The following CWC27 variants were observed in gnomAD, a reference collection of about 807,000 sequenced individuals.
The protein encoded by CWC27 is spliceosome-associated protein CWC27 homolog.
CWC27 carries 47 observed loss-of-function variants against 63.6 expected under a neutral mutation model. The observed-to-expected ratio is 0.74, with a 90% CI of 0.58 to 0.94. The LOEUF (loss-of-function observed/expected upper bound fraction) is 0.94, where lower values mean the gene tolerates loss of function less well. CWC27 is among the 40% of genes least tolerant of loss of function. The pLI is 0.00. For synonymous variants in CWC27, 175 were observed against 179.8 expected (o/e 0.97, Z 0.22); for missense variants, 495 against 554.3 (o/e 0.89, Z 1.07).
At chr5:64,981,689 GAATT>G (rs1580762944) in intron 13 of CWC27, among the ~76,000 whole-genome samples, 2 of 152,134 alleles carry the variant, frequency 1.3e-5, no homozygotes, top group South Asian at 2.1e-4. Context: ...AGAATCTCAA[GAATT>G]AATTAAGAAT....
intron 10 of CWC27, among the ~76,000 whole-genome samples, chr5:64,825,366 G>T (rs1164822942): frequency 6.6e-6 from 1 of 152,162 alleles, no homozygotes; most frequent in Non-Finnish European, 1.5e-5. Flanking sequence ...CTCAACTTCT[G>T]TGAAAGTTAT....
intron 11 of CWC27, among the ~76,000 whole-genome samples, chr5:64,947,435 AG>A (rs1160643751): frequency 2.0e-5 from 3 of 151,554 alleles, no homozygotes; most frequent in Non-Finnish European, 4.4e-5. Context: ...GTCTGATAAT[AG>A]TTGAGTCCTT....
At position 64,769,904 on chromosome 5, in the gene CWC27, C is replaced by A. The variant is rs144323590; in HGVS notation, c.42+716C>A. 2.1e-3 allele frequency among the ~76,000 whole-genome samples: 313 copies of A among 152,274 alleles called. 2 individuals carry two copies. The highest frequency in any genetic ancestry group is 7.2e-3 in the African/African-American group (300 of 41,554). On this transcript the variant is annotated intron_variant, in intron 1 of 13. Transcript: ENST00000381070. The stretch of plus-strand genomic sequence containing the variant: ...ATTTGATGGCTAATGTATGCCAATT[C>A]CCATCCAAGATGTTTGTATGCTGTA...
intron 10 of CWC27, among the ~76,000 whole-genome samples, chr5:64,862,140 T>A (rs1275882587): frequency 1.6e-4 from 24 of 152,152 alleles, no homozygotes; most frequent in African/African-American, 5.8e-4. Context: ...CAAAATGATA[T>A]CAGCAAACCC....
intron 10 of CWC27, among the ~76,000 whole-genome samples, chr5:64,806,648 T>C (rs1014889369): frequency 3.3e-5 from 5 of 152,102 alleles, no homozygotes; most frequent in South Asian, 2.1e-4. Context: ...TCCATGATTG[T>C]CTCATGACCA....
intron 13 of CWC27, among the ~76,000 whole-genome samples, chr5:64,994,374 T>C (rs902258698): frequency 2.0e-5 from 3 of 152,240 alleles, no homozygotes; most frequent in Non-Finnish European, 4.4e-5. Context: ...TGGATCTTTG[T>C]GAAGAAATTC....
intron 11 of CWC27, among the ~76,000 whole-genome samples, chr5:64,915,499 A>T (rs529322282): frequency 1.3e-5 from 2 of 152,154 alleles, no homozygotes; most frequent in South Asian, 2.1e-4. Flanking sequence ...TAACTTGTGT[A>T]CTTTCCAGTA....
intron 13 of CWC27, among the ~76,000 whole-genome samples, chr5:65,011,297 T>G (rs1403276089): frequency 6.6e-6 from 1 of 152,170 alleles, no homozygotes; most frequent in Non-Finnish European, 1.5e-5. Flanking sequence ...GCAGTTACAC[T>G]GTAGTATGAG....
chr5:64,989,590 C>T (rs747337798), intron 13 of CWC27, among the ~76,000 whole-genome samples: 1 of 152,170 alleles, frequency 6.6e-6, no homozygotes, highest in Non-Finnish European at 1.5e-5. Context: ...GATCACCAAA[C>T]TGCTATCTTG....
intron 11 of CWC27, among the ~76,000 whole-genome samples, chr5:64,891,987 G>GTTTTGCC (rs1004585363): frequency 6.6e-6 from 1 of 152,120 alleles, no homozygotes; most frequent in Non-Finnish European, 1.5e-5. Flanking sequence ...TAGAGACGGG[G>GTTTTGCC]TTTTGCCCTG....
At chr5:64,973,937 A>G (rs1383337371) in intron 12 of CWC27, among the ~76,000 whole-genome samples, 1 of 152,062 alleles carries the variant, frequency 6.6e-6, no homozygotes, top group Non-Finnish European at 1.5e-5. Flanking sequence ...AACATCCATC[A>G]TTAAAAATTA....
At chr5:64,809,411 A>G (rs1159276951) in intron 10 of CWC27, among the ~76,000 whole-genome samples, 1 of 152,270 alleles carries the variant, frequency 6.6e-6, no homozygotes, top group Non-Finnish European at 1.5e-5. Flanking sequence ...TCTGTTGCCC[A>G]GGCTGGAGTG....
chr5:64,883,514 G>A (rs1746995345), intron 10 of CWC27, among the ~76,000 whole-genome samples: 1 of 152,116 alleles, frequency 6.6e-6, no homozygotes, highest in African/African-American at 2.4e-5. Context: ...AGAGTAACCA[G>A]GAGAAGAATT....
At chr5:64,805,345 A>G (rs1459537230) in intron 10 of CWC27, among the ~76,000 whole-genome samples, 1 of 151,432 alleles carries the variant, frequency 6.6e-6, no homozygotes, top group Non-Finnish European at 1.5e-5. Context: ...TCACTGTTGA[A>G]TAATTTTACA....
At chr5:64,841,570 T>A (rs1580664300) in intron 10 of CWC27, among the ~76,000 whole-genome samples, 2 of 152,342 alleles carry the variant, frequency 1.3e-5, no homozygotes, top group Admixed American at 6.5e-5. Flanking sequence ...CTACATCTAG[T>A]CAGTCACCAA....
intron 10 of CWC27, among the ~76,000 whole-genome samples, chr5:64,848,954 T>C (rs924962243): frequency 6.6e-6 from 1 of 152,174 alleles, no homozygotes; most frequent in African/African-American, 2.4e-5. Context: ...TTCTCACCAC[T>C]TCTATTCAGA....
intron 13 of CWC27, among the ~76,000 whole-genome samples, chr5:64,999,924 T>A (rs182621257): frequency 5.3e-5 from 8 of 152,182 alleles, no homozygotes; most frequent in Admixed American, 1.3e-4. Context: ...CTGTTTTCCA[T>A]GGTGGCTATA....
At chr5:64,795,769 G>C (rs1744243749) in intron 7 of CWC27, among the ~76,000 whole-genome samples, 1 of 151,980 alleles carries the variant, frequency 6.6e-6, no homozygotes, top group South Asian at 2.1e-4. Context: ...TGCCATGTAA[G>C]GTGATATGTT....
intron 11 of CWC27, among the ~76,000 whole-genome samples, chr5:64,949,957 AT>A (rs1317207730): frequency 6.6e-6 from 1 of 151,980 alleles, no homozygotes; most frequent in African/African-American, 2.4e-5. Flanking sequence ...TCCCCAGGTA[AT>A]TCTTAGCTGA....
Sources: allele counts gnomAD v4.1 joint callset (sites outside exome capture counted in the v4.1 genomes callset), GRCh38; gene constraint gnomAD v4.1.1; transcripts MANE v1.5; gene names NCBI Gene and HGNC (gene_info 2026-07-23, HGNC 2026-07-21).